The following GRM7 variants were observed in gnomAD, a reference collection of about 807,000 sequenced individuals.
GRM7 encodes glutamate metabotropic receptor 7.
GRM7 carries 35 observed loss-of-function variants against 84.5 expected under a neutral mutation model. That is an observed-to-expected ratio of 0.41 (90% confidence interval 0.32 to 0.55). The LOEUF (loss-of-function observed/expected upper bound fraction) is 0.55. GRM7 is among the 20% of genes least tolerant of loss of function. GRM7 has a pLI of 0.19. For missense variants in GRM7, 1,003 were observed against 1,194.6 expected, an observed-to-expected ratio of 0.84 and a Z score of 2.36; for synonymous variants, 487 against 455.1, an observed-to-expected ratio of 1.07 and a Z score of -0.89.
intron 7 of GRM7, among the ~76,000 whole-genome samples, chr3:7,488,924 A>G (rs181479667): frequency 2.1e-4 from 32 of 151,848 alleles, no homozygotes; most frequent in African/African-American, 7.0e-4. Flanking sequence ...CTGTGTATCA[A>G]ATGACACTTT....
chr3:7,254,106 C>T (rs1359255202), intron 2 of GRM7, among the ~76,000 whole-genome samples: 1 of 152,178 alleles, frequency 6.6e-6, no homozygotes, highest in Non-Finnish European at 1.5e-5. Flanking sequence ...TTCTTGGGCA[C>T]TCTTGTTTCA....
chr3:7,306,666 C>G lies in GRM7; in HGVS notation c.1033+14C>G. 8 of 1,576,654 alleles carry G rather than the reference C, an allele frequency of 5.1e-6. No individual in the cohort carries two copies. The highest frequency in any genetic ancestry group is 6.9e-6 in the Non-Finnish European group (8 of 1,160,818). Reference sequence around the variant, plus strand: ...CCACGGTGGAAGGTATGGGTTTCATCAGCAGTAGGTTTGCTGAGAGAAGTT... The same window carrying G: ...CCACGGTGGAAGGTATGGGTTTCATGAGCAGTAGGTTTGCTGAGAGAAGTT... On this transcript the variant is annotated intron_variant, in intron 4 of 9. Transcript: ENST00000357716.
intron 2 of GRM7, among the ~76,000 whole-genome samples, chr3:7,209,020 A>C (rs1239132584): frequency 2.6e-5 from 4 of 152,208 alleles, no homozygotes; most frequent in Non-Finnish European, 1.5e-5. Flanking sequence ...AAATGCATAC[A>C]CCTAACTTAC....
intron 1 of GRM7, chr3:6,892,610 A>T (rs1389741229): frequency 6.6e-6 from 1 of 152,120 alleles, no homozygotes; most frequent in African/African-American, 2.4e-5. Flanking sequence ...AGTGAGGAAA[A>T]AGAAGGAAGA....
intron 6 of GRM7, 126 bp from the exon 7 acceptor site, chr3:7,461,457 C>T (rs1316623584): frequency 2.9e-6 from 2 of 679,604 alleles, no homozygotes; most frequent in Admixed American, 2.7e-5. Context: ...TTGGGGGGAC[C>T]TATTAAAGGG....
At chr3:6,898,538 T>C (rs1192892244) in intron 1 of GRM7, among the ~76,000 whole-genome samples, 1 of 152,100 alleles carries the variant, frequency 6.6e-6, no homozygotes, top group Admixed American at 6.6e-5. Context: ...CAGAGTTCCC[T>C]CCTTTAACCT....
At position 7,578,930 on chromosome 3, in the gene GRM7, C is replaced by A. The variant is rs1114167301; in HGVS notation, c.2024C>A (p.Thr675Lys). Residue 675 changes from threonine (T) to lysine (K), a missense_variant, in exon 8 of 10, where the codon ACG (threonine) becomes AAG (lysine). By Grantham distance (78) the Thr-to-Lys change is moderately conservative. Coordinates refer to ENST00000357716, the MANE Select transcript of GRM7 (RefSeq NM_000844.4). ...GMCISYAALL[T>K]KTNRIYRIFE... ...TGCATCAGTTATGCAGCCCTCTTGA[C>A]GAAAACAAATCGGATTTATCGCATA... 1.2e-6 allele frequency: 2 copies of A among 1,614,050 alleles called. No individual in the cohort carries two copies. Among genetic ancestry groups the A allele is most frequent in the Non-Finnish European group, 1.7e-6 (2 of 1,180,022 alleles).
chr3:7,363,958 C>G (rs1275315721), intron 4 of GRM7, among the ~76,000 whole-genome samples: 1 of 151,990 alleles, frequency 6.6e-6, no homozygotes, highest in Non-Finnish European at 1.5e-5. Context: ...GATGGATTAG[C>G]TATTTCTGAT....
At chr3:7,202,032 C>A (rs535077195) in intron 2 of GRM7, among the ~76,000 whole-genome samples, 1 of 151,860 alleles carries the variant, frequency 6.6e-6, no homozygotes, top group African/African-American at 2.4e-5. Context: ...AACTTTAATG[C>A]ATCATTTTTA....
intron 2 of GRM7, among the ~76,000 whole-genome samples, chr3:7,161,351 G>T (rs1412383467): frequency 2.0e-5 from 3 of 151,636 alleles, no homozygotes; most frequent in Non-Finnish European, 2.9e-5. Flanking sequence ...TTTGTGGCAT[G>T]GGTCAAATCG....
Position 7,415,056 on chromosome 3 carries a change from A to G in GRM7, c.1067A>G (p.Glu356Gly). The change falls in exon 5 of 10, where the codon GAA (glutamate) becomes GGA (glycine). Residue 356 changes from glutamate (E) to glycine (G), a missense_variant. Transcript: ENST00000357716. ...FDAYFTSRTL[E>G]NNRRNVWFAE... ...GCCTACTTTACGTCCCGTACACTTGAAAACAACAGAAGAAATGTATGGTTT... is the reference window on the plus strand; with the variant it reads ...GCCTACTTTACGTCCCGTACACTTGGAAACAACAGAAGAAATGTATGGTTT... The G allele has an allele frequency of 6.2e-7, 1 of 1,613,130 alleles. No homozygotes were observed. Among genetic ancestry groups the G allele is most frequent in the Non-Finnish European group, 8.5e-7 (1 of 1,179,232 alleles).
chr3:7,488,327 G>T (rs1242887117), intron 7 of GRM7, among the ~76,000 whole-genome samples: 1 of 152,092 alleles, frequency 6.6e-6, no homozygotes, highest in East Asian at 1.9e-4. Context: ...ACAGTGGAGG[G>T]CAAGGGGCAG....
At chr3:7,597,499 T>A (rs548014894) in intron 8 of GRM7, among the ~76,000 whole-genome samples, 1 of 152,276 alleles carries the variant, frequency 6.6e-6, no homozygotes, top group Admixed American at 6.5e-5. Context: ...TGGGCCATAG[T>A]TTGCTGACCC....
At chr3:7,008,214 G>A (rs1695248920) in intron 1 of GRM7, among the ~76,000 whole-genome samples, 2 of 152,032 alleles carry the variant, frequency 1.3e-5, no homozygotes, top group Non-Finnish European at 1.5e-5. Flanking sequence ...GCCTGTCTCT[G>A]ACCTAGAAGG....
At position 7,452,477 on chromosome 3, in the gene GRM7, A is replaced by T. The variant is rs564131464; in HGVS notation, c.1175-130A>T. 4.4e-4 allele frequency: 299 copies of T among 677,986 alleles called. 1 individual carries two copies. Among genetic ancestry groups the T allele is most frequent in the African/African-American group, 3.3e-3 (187 of 56,148 alleles). The allele number at this position is 677,986 out of a possible 1,614,324, so 42.0% of individuals were successfully genotyped here. ...GTGGTAGGCAAATGTGGCTTGAATT[A>T]CTGTATTTATCGAAGCAGTGTTTTC... On this transcript the variant is annotated intron_variant, in intron 5 of 9. Transcript: ENST00000357716.
chr3:7,477,003 T>G (rs1410633872), intron 7 of GRM7, among the ~76,000 whole-genome samples: 2 of 152,218 alleles, frequency 1.3e-5, no homozygotes. Context: ...ACATTATTTT[T>G]TAACCACTTC....
intron 8 of GRM7, among the ~76,000 whole-genome samples, chr3:7,661,155 G>C (rs939246404): frequency 2.6e-5 from 4 of 152,148 alleles, no homozygotes; most frequent in Non-Finnish European, 4.4e-5. Flanking sequence ...AGTGTTAAGT[G>C]AATGAAAAGA....
chr3:7,400,883 A>G (rs1575279790), intron 4 of GRM7, among the ~76,000 whole-genome samples: 1 of 152,184 alleles, frequency 6.6e-6, no homozygotes, highest in South Asian at 2.1e-4. Context: ...CCAAATGTGG[A>G]TAATAATAAT....
At chr3:7,136,076 T>C (rs904523030) in intron 1 of GRM7, among the ~76,000 whole-genome samples, 4 of 152,156 alleles carry the variant, frequency 2.6e-5, no homozygotes, top group African/African-American at 9.6e-5. Flanking sequence ...TGACTCAATC[T>C]TGTCAACATT....
Sources: gnomAD v4.1 joint callset for allele counts (sites outside exome capture counted in the v4.1 genomes callset) on GRCh38, gnomAD v4.1.1 for gene constraint, MANE v1.5 for transcripts, NCBI Gene and HGNC (gene_info 2026-07-23, HGNC 2026-07-21) for gene names.